NRCAM: variants seen among roughly 807,000 people sequenced by gnomAD.
NRCAM encodes the protein NgCAM-related cell adhesion molecule.
A neutral mutation model predicts 156.5 loss-of-function variants in NRCAM; 83 were observed. The ratio of observed to expected loss-of-function variants is 0.53; its 90% CI spans 0.44 to 0.64. The LOEUF is 0.64. Among genes scored for constraint, NRCAM ranks in the 30% least tolerant of loss-of-function variants. The pLI is 0.00. For missense variants in NRCAM, 1,417 were observed against 1,597.3 expected, an observed-to-expected ratio of 0.89 and a Z score of 1.92; for synonymous variants, 538 against 563.9, an observed-to-expected ratio of 0.95 and a Z score of 0.65.
intron 3 of NRCAM, among the ~76,000 whole-genome samples, chr7:108,290,691 A>T (rs565279455): frequency 1.3e-5 from 2 of 152,356 alleles, no homozygotes; most frequent in South Asian, 4.1e-4. Context: ...CTTGAAAAAG[A>T]TAATCAAAGA....
At chr7:108,209,679 T>C in intron 11 of NRCAM, 74 bp from the exon 12 acceptor site, 1 of 1,028,708 alleles carries the variant, frequency 9.7e-7, no homozygotes, top group Non-Finnish European at 1.4e-6. Context: ...TGAATTTTCA[T>C]GCAACTTTGT....
chr7:108,438,576 C>T (rs1207007853), intron 1 of NRCAM, among the ~76,000 whole-genome samples: 1 of 152,068 alleles, frequency 6.6e-6, no homozygotes, highest in African/African-American at 2.4e-5. Flanking sequence ...AGCTTTCCCC[C>T]TAAGATTGGG....
At chr7:108,308,284 C>T (rs960981106) in intron 3 of NRCAM, among the ~76,000 whole-genome samples, 3 of 152,154 alleles carry the variant, frequency 2.0e-5, no homozygotes, top group Non-Finnish European at 4.4e-5. Flanking sequence ...CTATGGGTCA[C>T]GAATCTAGAC....
chr7:108,418,566 C>T (rs1339300431), intron 1 of NRCAM, among the ~76,000 whole-genome samples: 3 of 78,740 alleles, frequency 3.8e-5, no homozygotes, highest in African/African-American at 1.6e-4. Context: ...ATTATACACA[C>T]ACACACACAC....
chr7:108,216,029 G>GT (rs1211615963), intron 11 of NRCAM, among the ~76,000 whole-genome samples: 1 of 152,190 alleles, frequency 6.6e-6, no homozygotes, highest in African/African-American at 2.4e-5. Context: ...AATTCGTTAT[G>GT]TTTTTGCAGT....
chr7:108,320,493 C>T (rs6973159), intron 2 of NRCAM, among the ~76,000 whole-genome samples: 83,440 of 150,822 alleles, frequency 0.55, 24,231 homozygotes, highest in East Asian at 0.82. Flanking sequence ...ATATAATCTA[C>T]TAATGAAGCC....
chr7:108,160,527 G>T, intron 30 of NRCAM, 35 bp from the exon 31 acceptor site: 1 of 1,597,912 alleles, frequency 6.3e-7, no homozygotes, highest in Non-Finnish European at 8.5e-7. Context: ...GTGGCAATAG[G>T]TTAAGGGGAG....
chr7:108,445,533 A>G (rs776863940), intron 1 of NRCAM, among the ~76,000 whole-genome samples: 5 of 152,218 alleles, frequency 3.3e-5, no homozygotes, highest in Non-Finnish European at 7.3e-5. Flanking sequence ...CTAATAACAC[A>G]GATTTACGTC....
chr7:108,228,181 G>T (rs2093771988), intron 8 of NRCAM, among the ~76,000 whole-genome samples: 1 of 152,074 alleles, frequency 6.6e-6, no homozygotes, highest in Non-Finnish European at 1.5e-5. Context: ...AATTAGCCAG[G>T]CGTGGTGGTT....
intron 15 of NRCAM, among the ~76,000 whole-genome samples, 196 bp downstream of exon 15, chr7:108,195,563 CTG>C (rs1286366502): frequency 1.3e-5 from 2 of 151,918 alleles, no homozygotes; most frequent in African/African-American, 4.8e-5. Flanking sequence ...CTGCAGTGAG[CTG>C]TGATTGTGCC....
At chr7:108,410,104 T>C (rs1212955485) in intron 1 of NRCAM, among the ~76,000 whole-genome samples, 1 of 152,166 alleles carries the variant, frequency 6.6e-6, no homozygotes, top group African/African-American at 2.4e-5. Flanking sequence ...GACTCTCAAA[T>C]CAATATTCTT....
At chr7:108,200,910 T>C (rs1000760557) in intron 13 of NRCAM, among the ~76,000 whole-genome samples, 12 of 152,088 alleles carry the variant, frequency 7.9e-5, no homozygotes, top group Admixed American at 3.9e-4. Flanking sequence ...TTATATGTTC[T>C]CACTCATAAG....
intron 30 of NRCAM, among the ~76,000 whole-genome samples, chr7:108,165,311 T>C (rs1323385642): frequency 6.6e-6 from 1 of 152,180 alleles, no homozygotes; most frequent in Non-Finnish European, 1.5e-5. Context: ...ACGTTCCTAC[T>C]GGGCGACCTG....
At chr7:108,256,571 T>G (rs1211058649) in intron 3 of NRCAM, among the ~76,000 whole-genome samples, 3 of 151,774 alleles carry the variant, frequency 2.0e-5, no homozygotes, top group Non-Finnish European at 4.4e-5. Context: ...ACTATTGTCC[T>G]ATGACCCTGC....
intron 3 of NRCAM, chr7:108,243,374 T>C (rs1375689258): frequency 6.6e-6 from 1 of 152,246 alleles, no homozygotes; most frequent in African/African-American, 2.4e-5. Context: ...ATGAGAGTAA[T>C]GTACTCTGCA....
At chr7:108,222,100 TA>T in intron 11 of NRCAM, among the ~76,000 whole-genome samples, 1 of 152,202 alleles carries the variant, frequency 6.6e-6, no homozygotes, top group Non-Finnish European at 1.5e-5. Flanking sequence ...TTTGAAAATC[TA>T]TATACATGTG....
chr7:108,320,671 G>A (rs537217133), intron 2 of NRCAM, among the ~76,000 whole-genome samples: 59 of 152,250 alleles, frequency 3.9e-4, no homozygotes, highest in African/African-American at 1.3e-3. Flanking sequence ...CACATAAAGT[G>A]ACAAAGGAAA....
At chr7:108,401,088 C>T (rs546993292) in intron 1 of NRCAM, among the ~76,000 whole-genome samples, 3 of 151,938 alleles carry the variant, frequency 2.0e-5, no homozygotes, top group Non-Finnish European at 4.4e-5. Flanking sequence ...GGTGAAACCC[C>T]GTCTCTACTA....
rs768938203 is a variant in NRCAM at position 108,184,410 on chromosome 7, G to A, written c.2233+7C>T. The A allele has an allele frequency of 3.1e-5, 50 of 1,613,912 alleles. No homozygotes were observed. Among genetic ancestry groups the A allele is most frequent in the Non-Finnish European group, 3.6e-5 (43 of 1,179,984 alleles). On this transcript the variant is annotated splice_region_variant and intron_variant, in intron 21 of 32. Transcript: ENST00000379028. Reference sequence around the variant, plus strand: ...CGTACCCTAGAAGTCCCGCTTTCCCGCTTTACCTGAGGCTTTCGTCAAATA... The same window carrying A: ...CGTACCCTAGAAGTCCCGCTTTCCCACTTTACCTGAGGCTTTCGTCAAATA...
Sources: allele counts gnomAD v4.1 joint callset (sites outside exome capture counted in the v4.1 genomes callset), GRCh38; gene constraint gnomAD v4.1.1; transcripts MANE v1.5; gene names NCBI Gene and HGNC (gene_info 2026-07-23, HGNC 2026-07-21).